ERCC6L2: variants seen among roughly 807,000 people sequenced by gnomAD.
The protein encoded by ERCC6L2 is DNA excision repair protein ERCC-6-like 2.
ERCC6L2 carries 77 observed loss-of-function variants against 132.0 expected under a neutral mutation model. That is an observed-to-expected ratio of 0.58 (90% CI 0.49 to 0.71). ERCC6L2 has a LOEUF of 0.71. ERCC6L2 is among the 30% of genes least tolerant of loss of function. ERCC6L2 has a pLI of 0.00. For synonymous variants in ERCC6L2, 583 were observed against 632.4 expected, an observed-to-expected ratio of 0.92 and a Z score of 1.17; for missense variants, 1,542 against 1,837.6, an observed-to-expected ratio of 0.84 and a Z score of 2.94.
intron 19 of ERCC6L2, among the ~76,000 whole-genome samples, chr9:96,031,240 CAG>C (rs1474215861): frequency 6.6e-6 from 1 of 152,154 alleles, no homozygotes; most frequent in Non-Finnish European, 1.5e-5. Context: ...TATTTCCAGA[CAG>C]GGTGAAGTGG....
At chr9:95,989,384 C>T (rs749362968) in intron 17 of ERCC6L2, among the ~76,000 whole-genome samples, 5 of 152,172 alleles carry the variant, frequency 3.3e-5, no homozygotes, top group African/African-American at 1.2e-4. Flanking sequence ...AATTCATTAG[C>T]ATAGAAAAGC....
intron 19 of ERCC6L2, among the ~76,000 whole-genome samples, chr9:96,029,081 G>T (rs1317220362): frequency 1.3e-5 from 2 of 151,940 alleles, no homozygotes; most frequent in Admixed American, 1.3e-4. Flanking sequence ...AAGGTGGGCG[G>T]ATCACAAGGT....
intron 3 of ERCC6L2, chr9:95,906,630 G>A (rs1829049810): frequency 2.2e-6 from 1 of 456,368 alleles, no homozygotes; most frequent in Admixed American, 2.4e-5. Context: ...GAAAGAGGGG[G>A]AGCGGAAATG....
intron 18 of ERCC6L2, among the ~76,000 whole-genome samples, chr9:96,011,148 G>A (rs867218120): frequency 1.3e-5 from 2 of 152,122 alleles, no homozygotes; most frequent in Non-Finnish European, 2.9e-5. Flanking sequence ...ACAGAAATTC[G>A]TGTCCACAGT....
At chr9:96,002,380 G>A (rs62559762) in intron 17 of ERCC6L2, among the ~76,000 whole-genome samples, 13,316 of 151,410 alleles carry the variant, frequency 0.088, 658 homozygotes, top group Admixed American at 0.13. Flanking sequence ...TTCTTTTGGT[G>A]GATAGGATTG....
At chr9:95,891,340 C>G (rs1423962769) in intron 2 of ERCC6L2, among the ~76,000 whole-genome samples, 1 of 152,180 alleles carries the variant, frequency 6.6e-6, no homozygotes, top group Non-Finnish European at 1.5e-5. Context: ...CAAACGCATT[C>G]TTATAAAAAT....
chr9:96,007,944 G>T (rs1312530696), intron 18 of ERCC6L2, among the ~76,000 whole-genome samples: 1 of 152,162 alleles, frequency 6.6e-6, no homozygotes, highest in African/African-American at 2.4e-5. Context: ...GCTGCCCAGG[G>T]AAGAGCTGGC....
intron 19 of ERCC6L2, among the ~76,000 whole-genome samples, chr9:96,036,163 G>T (rs1184496890): frequency 1.3e-5 from 2 of 151,976 alleles, no homozygotes; most frequent in Non-Finnish European, 2.9e-5. Flanking sequence ...CTTTCCTTTG[G>T]CAAAACCAAA....
chr9:95,915,958 A>G lies in ERCC6L2; in HGVS notation c.950+129A>G, dbSNP rs1829565611. On this transcript the variant is annotated intron_variant, in intron 5 of 18. Coordinates refer to ENST00000653738, the MANE Select transcript of ERCC6L2 (RefSeq NM_020207.7). Reference sequence around the variant, plus strand: ...TGGTTTTAGATGTGTTTGATCCCAGATGTGGTATACACAGTAGAGAGTCCC... The same window carrying G: ...TGGTTTTAGATGTGTTTGATCCCAGGTGTGGTATACACAGTAGAGAGTCCC... 10 of 944,848 alleles carry G rather than the reference A, an allele frequency of 1.1e-5. No homozygotes were observed. In the South Asian group the frequency reaches 1.6e-4, roughly 15 times the overall value. 58.5% of individuals were successfully genotyped at this position (944,848 alleles called of 1,614,324 possible).
At chr9:95,974,353 C>A (rs1832568985) in intron 16 of ERCC6L2, among the ~76,000 whole-genome samples, 1 of 152,010 alleles carries the variant, frequency 6.6e-6, no homozygotes, top group African/African-American at 2.4e-5. Context: ...ATAAGGATGA[C>A]CCATTCTTTT....
intron 11 of ERCC6L2, among the ~76,000 whole-genome samples, chr9:95,937,917 A>T (rs1288521982): frequency 6.6e-6 from 1 of 150,578 alleles, no homozygotes. Flanking sequence ...GAGACCTTTA[A>T]TTTTTTTCTA....
chr9:96,027,085 C>A (rs1407411105), intron 19 of ERCC6L2, among the ~76,000 whole-genome samples: 1 of 149,230 alleles, frequency 6.7e-6, no homozygotes, highest in Non-Finnish European at 1.5e-5. Flanking sequence ...ATACCCCACA[C>A]ACATACCCAC....
At chr9:95,900,399 AG>A (rs1237567213) in intron 3 of ERCC6L2, among the ~76,000 whole-genome samples, 3 of 151,950 alleles carry the variant, frequency 2.0e-5, no homozygotes, top group Non-Finnish European at 2.9e-5. Flanking sequence ...AAAAAAAAAA[AG>A]TTCCTTTCAG....
chr9:96,013,665 T>A lies in ERCC6L2; in HGVS notation c.*462T>A, dbSNP rs1302359974. On this transcript the variant is annotated 3_prime_UTR_variant, in exon 19 of 19. Transcript: ENST00000653738. ...CAAATCAGGTGTATACCAATGTGTT[T>A]TTTACTAGCACTTGGGAAAGTTATT... The A allele has an allele frequency of 6.6e-6, 1 of 152,524 alleles. No homozygotes were observed. Among genetic ancestry groups the A allele is most frequent in the Non-Finnish European group, 1.5e-5 (1 of 68,262 alleles). The allele number at this position is 152,524 out of a possible 1,614,324, so 9.4% of individuals were successfully genotyped here.
chr9:95,973,445 A>G (rs1360656838), intron 16 of ERCC6L2, among the ~76,000 whole-genome samples: 1 of 152,162 alleles, frequency 6.6e-6, no homozygotes, highest in African/African-American at 2.4e-5. Flanking sequence ...GCTGATAAAG[A>G]CATACTTGAG....
intron 2 of ERCC6L2, among the ~76,000 whole-genome samples, chr9:95,884,735 A>G (rs1027929380): frequency 2.0e-5 from 3 of 152,250 alleles, no homozygotes; most frequent in Non-Finnish European, 1.5e-5. Context: ...AGCAAGAGCC[A>G]TTTTGCTGGA....
Position 95,915,710 on chromosome 9 carries a change from CAAGAATCCAA to C in ERCC6L2, c.835_844del (p.Asn279LeufsTer3), listed in dbSNP as rs1427541140. On this transcript the variant is annotated frameshift_variant, in exon 5 of 19. Coordinates refer to ENST00000653738, the MANE Select transcript of ERCC6L2 (RefSeq NM_020207.7). LOFTEE classifies it high-confidence loss of function. ...TCATTGTGGATGAAGCTCATAGAAT[CAAGAATCCAA>C]AAGCTAGAGTAACAGAAGTTATGAA... 6.2e-7 allele frequency: 1 copy of C among 1,613,694 alleles called. No individual in the cohort carries two copies. Among genetic ancestry groups the C allele is most frequent in the East Asian group, 2.2e-5 (1 of 44,842 alleles).
chr9:95,926,661 T>C (rs1207620194), intron 9 of ERCC6L2, among the ~76,000 whole-genome samples: 1 of 152,172 alleles, frequency 6.6e-6, no homozygotes, highest in Non-Finnish European at 1.5e-5. Context: ...CAAGGAATTT[T>C]TAGGGCAATG....
In ERCC6L2 at chr9:95,937,946, A is replaced by G. The variant is rs114329090; in HGVS notation, c.1752-3508A>G. On this transcript the variant is annotated intron_variant, in intron 11 of 18. Coordinates refer to ENST00000653738, the MANE Select transcript of ERCC6L2 (RefSeq NM_020207.7). ...TTTTCTAATATAAGCATTTAATGTT[A>G]CAAATTTTCCTAAGCCCTGCTTAGC... 4.1e-3 allele frequency among the ~76,000 whole-genome samples: 618 copies of G among 151,666 alleles called. 7 individuals carry two copies. Among genetic ancestry groups the G allele is most frequent in the African/African-American group, 0.014 (589 of 41,398 alleles).
Sources: gnomAD v4.1 joint callset for allele counts (sites outside exome capture counted in the v4.1 genomes callset) on GRCh38, gnomAD v4.1.1 for gene constraint, MANE v1.5 for transcripts, NCBI Gene and HGNC (gene_info 2026-07-23, HGNC 2026-07-21) for gene names.